Variants in GIMAP1 observed in about 807,000 individuals in gnomAD.
The protein encoded by GIMAP1 is GTPase IMAP family member 1.
For synonymous variants in GIMAP1, 230 were observed against 187.7 expected, an observed-to-expected ratio of 1.23 and a Z score of -1.84; for missense variants, 423 against 411.9, an observed-to-expected ratio of 1.03 and a Z score of -0.23.
chr7:150,720,863 C>T lies in GIMAP1; in HGVS notation c.859C>T (p.Leu287=). The change falls in exon 3 of 3, where the codon CTG becomes TTG. Residue 287 remains leucine, a synonymous_variant. Coordinates refer to ENST00000307194, the MANE Select transcript of GIMAP1 (RefSeq NM_130759.4). This position sits in a 1 kb window ranked among gnomAD's most constrained non-coding sequence, Gnocchi z 4.5. ...GLALLLGGAL[L]FWVLLHRRWS... is the part of the protein sequence containing the mutation. ...GGCCCTGCTGCTGGGGGGCGCGCTC[C>T]TGTTCTGGGTGCTGCTCCACAGGCG... is the stretch of plus-strand genomic sequence containing the variant. 1 of 1,605,378 alleles carries T rather than the reference C, an allele frequency of 6.2e-7. No individual in the cohort carries two copies.
Position 150,720,564 on chromosome 7 carries a change from C to T in GIMAP1, c.560C>T (p.Ala187Val). The change falls in exon 3 of 3, where the codon GCC becomes GTC. Residue 187 changes from alanine to valine, a missense_variant. Coordinates refer to ENST00000307194, the MANE Select transcript of GIMAP1 (RefSeq NM_130759.4). The surrounding 1 kb of genome is among the most constrained non-coding windows in gnomAD (Gnocchi z 4.5). Reference sequence around the variant, plus strand: ...GCCGAGTGCGGGGGCCGGGTCTGTGCCTTTGATAACCGGGCCACCGGCCGG... The same window carrying T: ...GCCGAGTGCGGGGGCCGGGTCTGTGTCTTTGATAACCGGGCCACCGGCCGG... Reference protein sequence around the residue: ...LVAECGGRVCAFDNRATGREQ... With the variant: ...LVAECGGRVCVFDNRATGREQ... 6.2e-7 allele frequency: 1 copy of T among 1,613,420 alleles called. No homozygotes were observed. Among genetic ancestry groups the T allele is most frequent in the South Asian group, 1.1e-5 (1 of 90,974 alleles).
Position 150,722,460 on chromosome 7 carries a change from C to G in GIMAP1, c.*1535C>G, listed in dbSNP as rs560305042. ...GAGTTGGACTTTTTGAAGCGTGGCTCAAGAAAAACCCATGTTTAATTCCTG... is the reference window on the plus strand; with the variant it reads ...GAGTTGGACTTTTTGAAGCGTGGCTGAAGAAAAACCCATGTTTAATTCCTG... On this transcript the variant is annotated 3_prime_UTR_variant, in exon 3 of 3. Transcript: ENST00000307194. 9 of 152,426 alleles carry G rather than the reference C, an allele frequency of 5.9e-5. No homozygotes were observed. The highest frequency in any genetic ancestry group is 3.9e-4 in the Admixed American group (6 of 15,304). 9.4% of individuals were successfully genotyped at this position (152,426 alleles called of 1,614,324 possible). A position where few individuals can be genotyped will look rare whatever the true frequency, so the allele number is the denominator to read the frequency against.
chr7:150,720,405 A>T lies in GIMAP1; in HGVS notation c.401A>T (p.Gln134Leu), dbSNP rs1371529851. ...GCCCAGGACCAGCAGGCGGTGAGGC[A>T]GGTGAGGGACATGTTCGGGGAGGAC... ...FTAQDQQAVR[Q>L]VRDMFGEDVL... The change falls in exon 3 of 3, where the codon CAG becomes CTG. Residue 134 changes from glutamine to leucine, a missense_variant. Transcript: ENST00000307194. The surrounding 1 kb of genome is among the most constrained non-coding windows in gnomAD (Gnocchi z 4.5). The T allele has an allele frequency of 6.3e-7, 1 of 1,588,452 alleles. No homozygotes were observed. The highest frequency in any genetic ancestry group is 1.1e-5 in the South Asian group (1 of 87,262).
At chr7:150,718,907 C>G (rs1797253527) in intron 1 of GIMAP1, 135 bp from the exon 2 acceptor site, 1 of 1,175,610 alleles carries the variant, frequency 8.5e-7, no homozygotes, top group Non-Finnish European at 1.2e-6. Flanking sequence ...AAGCAAAAAC[C>G]ATGTCTTTTC....
chr7:150,721,198 A>G lies in GIMAP1; in HGVS notation c.*273A>G. The stretch of plus-strand genomic sequence containing the variant: ...TGGTAGTTTTGGTAGTCTAATGTCA[A>G]GTAGCTTGTAGTGGGGACAAACGCA... On this transcript the variant is annotated 3_prime_UTR_variant, in exon 3 of 3. Transcript: ENST00000307194. The G allele has an allele frequency of 2.9e-6, 1 of 340,698 alleles. No individual in the cohort carries two copies. The highest frequency in any genetic ancestry group is 5.2e-6 in the Non-Finnish European group (1 of 190,812). 21.1% of individuals were successfully genotyped at this position (340,698 alleles called of 1,614,324 possible).
chr7:150,719,320 A>C, intron 2 of GIMAP1: 1 of 561,806 alleles, frequency 1.8e-6, no homozygotes, highest in Non-Finnish European at 3.2e-6. Context: ...AATAAGGATA[A>C]TAAACCTACT....
At chr7:150,719,185 A>G in intron 2 of GIMAP1, 95 bp downstream of exon 2, 11 of 1,533,894 alleles carry the variant, frequency 7.2e-6, no homozygotes, top group Non-Finnish European at 9.9e-6. Context: ...AACAGAGATA[A>G]GTTCCAGAGG....
chr7:150,720,302 G>A lies in GIMAP1; in HGVS notation c.298G>A (p.Glu100Lys), dbSNP rs769156667. Residue 100 changes from glutamate (E) to lysine (K), a missense_variant, in exon 3 of 3, where the codon GAG becomes AAG. By Grantham distance (56) the Glu-to-Lys change is moderately conservative (BLOSUM62 1). Coordinates refer to ENST00000307194, the MANE Select transcript of GIMAP1 (RefSeq NM_130759.4). This position sits in a 1 kb window ranked among gnomAD's most constrained non-coding sequence, Gnocchi z 4.5. ...QVSKTDPGCE[E>K]RGHCYLLSAP... ...GTCCAAGACAGATCCTGGCTGTGAG[G>A]AGAGAGGTCACTGCTACCTGCTCTC... 3.7e-6 allele frequency: 6 copies of A among 1,614,234 alleles called. No homozygotes were observed. In the Admixed American group the frequency reaches 6.7e-5, roughly 18 times the overall value.
chr7:150,720,697 G>C lies in GIMAP1; in HGVS notation c.693G>C (p.Leu231=). Residue 231 remains leucine (L), a synonymous_variant, in exon 3 of 3, where the codon CTG becomes CTC. Coordinates refer to ENST00000307194, the MANE Select transcript of GIMAP1 (RefSeq NM_130759.4). The surrounding 1 kb of genome is among the most constrained non-coding windows in gnomAD (Gnocchi z 4.5). ...SNEVYELAQV[L]RWAGPEERLR... Reference sequence around the variant, plus strand: ...AGGTGTATGAGCTGGCGCAGGTGCTGCGCTGGGCAGGCCCTGAGGAGCGGC... The same window carrying C: ...AGGTGTATGAGCTGGCGCAGGTGCTCCGCTGGGCAGGCCCTGAGGAGCGGC... 6.3e-7 allele frequency: 1 copy of C among 1,586,436 alleles called. No individual in the cohort carries two copies. The highest frequency in any genetic ancestry group is 8.6e-7 in the Non-Finnish European group (1 of 1,166,140).
At chr7:150,717,889 C>T (rs1797239542) in intron 1 of GIMAP1, among the ~76,000 whole-genome samples, 1 of 152,166 alleles carries the variant, frequency 6.6e-6, no homozygotes, top group Admixed American at 6.5e-5. Flanking sequence ...TAATATGAGG[C>T]AAATCTGTTC....
In GIMAP1 at chr7:150,722,954, C is replaced by T. The variant is rs977159381; in HGVS notation, c.*2029C>T. 1 of 152,216 alleles carries T rather than the reference C, an allele frequency of 6.6e-6. No individual in the cohort carries two copies. The highest frequency in any genetic ancestry group is 1.5e-5 in the Non-Finnish European group (1 of 68,052). 9.4% of individuals were successfully genotyped at this position (152,216 alleles called of 1,614,324 possible). The stretch of plus-strand genomic sequence containing the variant: ...GACTCTTTCACCTCTTCCCTTTCAG[C>T]TTGTCTTCAGTGTGGTCTGGAGCCC... On this transcript the variant is annotated 3_prime_UTR_variant, in exon 3 of 3. Transcript: ENST00000307194.
Position 150,718,955 on chromosome 7 carries a change from C to A in GIMAP1, c.-6-87C>A, listed in dbSNP as rs1797253798. 12 of 1,547,574 alleles carry A rather than the reference C, an allele frequency of 7.8e-6. No homozygotes were observed. In the Admixed American group the frequency reaches 1.9e-4, roughly 24 times the overall value. On this transcript the variant is annotated intron_variant, in intron 1 of 2. Transcript: ENST00000307194. ...CCAGCTCTTTGGACTTTGCCTGACA[C>A]CCTGTAGGTGGTTATGCCTATTTGT...
intron 2 of GIMAP1, chr7:150,719,525 T>G: frequency 6.0e-6 from 1 of 165,418 alleles, no homozygotes; most frequent in Non-Finnish European, 1.3e-5. Flanking sequence ...AGAGGGCTTA[T>G]TTCACCCCCT....
chr7:150,720,823 C>G lies in GIMAP1; in HGVS notation c.819C>G (p.Ser273Arg), dbSNP rs369685775. The G allele has an allele frequency of 1.2e-5, 20 of 1,601,526 alleles. No individual in the cohort carries two copies. The African/African-American group carries it at 2.7e-4, about 21-fold the overall frequency. The change falls in exon 3 of 3, where the codon AGC becomes AGG. Residue 273 changes from serine (S) to arginine (R), a missense_variant. Transcript: ENST00000307194. The surrounding 1 kb of genome is among the most constrained non-coding windows in gnomAD (Gnocchi z 4.5). The part of the protein sequence containing the change: ...RLWKWLKSPR[S>R]WRLGLALLLG... Reference sequence around the variant, plus strand: ...GGAAGTGGCTGAAGTCCCCCAGGAGCTGGAGGCTGGGCCTGGCCCTGCTGC... The same window carrying G: ...GGAAGTGGCTGAAGTCCCCCAGGAGGTGGAGGCTGGGCCTGGCCCTGCTGC...
In GIMAP1 at chr7:150,720,776, G is replaced by T. The variant is rs567307381; in HGVS notation, c.772G>T (p.Ala258Ser). The T allele has an allele frequency of 1.3e-6, 2 of 1,574,984 alleles. No homozygotes were observed. The highest frequency in any genetic ancestry group is 2.3e-5 in the South Asian group (2 of 86,976). The change falls in exon 3 of 3, where the codon GCC becomes TCC. Residue 258 changes from alanine to serine, a missense_variant. Physicochemically the swap from Ala to Ser is moderately conservative, Grantham distance 99. Coordinates refer to ENST00000307194, the MANE Select transcript of GIMAP1 (RefSeq NM_130759.4). The surrounding 1 kb of genome is among the most constrained non-coding windows in gnomAD (Gnocchi z 4.5). ...CAGGGTGCAGAGGAGGCCATGGGGC[G>T]CCTGGCTGTCGGCCCGGCTGTGGAA... ...AARVQRRPWGAWLSARLWKWL... is the reference protein window; with the variant it reads ...AARVQRRPWGSWLSARLWKWL...
At chr7:150,719,143 G>C in intron 2 of GIMAP1, 53 bp downstream of exon 2, 1 of 1,611,688 alleles carries the variant, frequency 6.2e-7, no homozygotes, top group Non-Finnish European at 8.5e-7. Flanking sequence ...TGAACTTAGG[G>C]TAATAAGGAG....
intron 1 of GIMAP1, among the ~76,000 whole-genome samples, chr7:150,718,128 T>C (rs1407622860): frequency 6.6e-6 from 1 of 152,110 alleles, no homozygotes; most frequent in East Asian, 1.9e-4. Context: ...GATTGTGAAG[T>C]AGCTGACCGA....
Position 150,720,878 on chromosome 7 carries a change from C to T in GIMAP1, c.874C>T (p.Leu292Phe), listed in dbSNP as rs1797292553. The T allele has an allele frequency of 1.9e-6, 3 of 1,600,706 alleles. No individual in the cohort carries two copies. Among genetic ancestry groups the T allele is most frequent in the Non-Finnish European group, 2.5e-6 (3 of 1,177,260 alleles). The change falls in exon 3 of 3, where the codon CTC becomes TTC. Residue 292 changes from leucine to phenylalanine, a missense_variant. Transcript: ENST00000307194. This position sits in a 1 kb window ranked among gnomAD's most constrained non-coding sequence, Gnocchi z 4.5. ...GGGCGCGCTCCTGTTCTGGGTGCTG[C>T]TCCACAGGCGGTGGTCGGAGGCCGT... ...LGGALLFWVLLHRRWSEAVAE... is the reference protein window; with the variant it reads ...LGGALLFWVLFHRRWSEAVAE...
In GIMAP1 at chr7:150,723,631, A is replaced by C. The variant is rs1408215592; in HGVS notation, c.*2706A>C. On this transcript the variant is annotated 3_prime_UTR_variant, in exon 3 of 3. Coordinates refer to ENST00000307194, the MANE Select transcript of GIMAP1 (RefSeq NM_130759.4). ...CCATAGCTCAAGGTTAGGCCTTGTG[A>C]CCTCACTTATGTAATTTGAGTGATT... The C allele has an allele frequency of 6.6e-6, 1 of 152,066 alleles. No individual in the cohort carries two copies. Among genetic ancestry groups the C allele is most frequent in the Non-Finnish European group, 1.5e-5 (1 of 68,010 alleles). 9.4% of individuals were successfully genotyped at this position (152,066 alleles called of 1,614,324 possible).
Sources: allele counts gnomAD v4.1 joint callset (sites outside exome capture counted in the v4.1 genomes callset), GRCh38; gene constraint gnomAD v4.1.1; non-coding constraint Gnocchi (gnomAD v3.1); transcripts MANE v1.5; gene names NCBI Gene and HGNC (gene_info 2026-07-23, HGNC 2026-07-21).